The following ZC3H14 variants were observed in gnomAD, a reference collection of about 807,000 sequenced individuals.
ZC3H14 encodes the protein zinc finger CCCH-type containing 14.
A neutral mutation model predicts 92.4 loss-of-function variants in ZC3H14; 31 were observed. The observed-to-expected ratio is 0.34, with a 90% CI of 0.25 to 0.45. The LOEUF (loss-of-function observed/expected upper bound fraction) is 0.45, where lower values mean the gene tolerates loss of function less well. Among genes scored for constraint, ZC3H14 ranks in the 20% least tolerant of loss-of-function variants. ZC3H14 has a pLI of 1.00. For synonymous variants in ZC3H14, 321 were observed against 300.9 expected (o/e 1.07, Z -0.69); for missense variants, 781 against 897.3 (o/e 0.87, Z 1.66).
chr14:88,599,157 C>T (rs1187095412), intron 10 of ZC3H14, among the ~76,000 whole-genome samples: 1 of 152,160 alleles, frequency 6.6e-6, no homozygotes, highest in Non-Finnish European at 1.5e-5. Context: ...ATCTAATACA[C>T]CTCTTTTTTG....
chr14:88,563,398 A>C, intron 1 of ZC3H14: 1 of 1,432,718 alleles, frequency 7.0e-7, no homozygotes, highest in Non-Finnish European at 9.1e-7. Flanking sequence ...GGACAGGCGC[A>C]GGCCCGGCTG....
In ZC3H14 at chr14:88,627,192, G is replaced by T; in HGVS notation, c.*15441G>T. The T allele has an allele frequency of 1.4e-6, 1 of 700,596 alleles. No homozygotes were observed. Among genetic ancestry groups the T allele is most frequent in the Non-Finnish European group, 2.4e-6 (1 of 419,504 alleles). 43.4% of individuals were successfully genotyped at this position (700,596 alleles called of 1,614,324 possible). A position where few individuals can be genotyped will look rare whatever the true frequency, so the allele number is the denominator to read the frequency against. ...CCTGCTCTACTACCTAGCAATACAT[G>T]ATTTACAATTATTTGTGTATTGAGT... On this transcript the variant is annotated 3_prime_UTR_variant, in exon 17 of 17. Coordinates refer to ENST00000251038, the MANE Select transcript of ZC3H14 (RefSeq NM_024824.5).
At chr14:88,565,589 T>C (rs562037648) in intron 2 of ZC3H14, among the ~76,000 whole-genome samples, 1 of 152,352 alleles carries the variant, frequency 6.6e-6, no homozygotes, top group East Asian at 1.9e-4. Context: ...TAAAGATTTA[T>C]TTAAACTCTG....
In ZC3H14 at chr14:88,616,552, C is replaced by G. The variant is rs892738620; in HGVS notation, c.*4801C>G. 28 of 662,654 alleles carry G rather than the reference C, an allele frequency of 4.2e-5. No homozygotes were observed. The highest frequency in any genetic ancestry group is 6.0e-5 in the Non-Finnish European group (24 of 400,582). The allele number at this position is 662,654 out of a possible 1,614,324, so 41.0% of individuals were successfully genotyped here. ...GGATGGTTCCAAAGATGGTATTACT[C>G]GAGGGAGAGGATTTGTTTCTAATAG... is the stretch of plus-strand genomic sequence containing the variant. On this transcript the variant is annotated 3_prime_UTR_variant, in exon 17 of 17. Transcript: ENST00000251038.
Position 88,625,919 on chromosome 14 carries a change from A to G in ZC3H14, c.*14168A>G, listed in dbSNP as rs1302577943. The G allele has an allele frequency of 6.6e-6, 1 of 152,242 alleles. No individual in the cohort carries two copies. The highest frequency in any genetic ancestry group is 6.5e-5 in the Admixed American group (1 of 15,288). The allele number at this position is 152,242 out of a possible 1,614,324, so 9.4% of individuals were successfully genotyped here. A position where few individuals can be genotyped will look rare whatever the true frequency, so the allele number is the denominator to read the frequency against. On this transcript the variant is annotated 3_prime_UTR_variant, in exon 17 of 17. Transcript: ENST00000251038. ...CCAAAGGATTTATACAGCCTAGCCA[A>G]TGCAGGATATTAAAGGAAAGAGATG... is the stretch of plus-strand genomic sequence containing the variant.
chr14:88,617,021 G>C lies in ZC3H14; in HGVS notation c.*5270G>C, dbSNP rs746620613. 2.7e-5 allele frequency: 18 copies of C among 659,914 alleles called. No individual in the cohort carries two copies. Among genetic ancestry groups the C allele is most frequent in the Non-Finnish European group, 3.9e-5 (16 of 415,388 alleles). The allele number at this position is 659,914 out of a possible 1,614,324, so 40.9% of individuals were successfully genotyped here. A position where few individuals can be genotyped will look rare whatever the true frequency, so the allele number is the denominator to read the frequency against. On this transcript the variant is annotated 3_prime_UTR_variant, in exon 17 of 17. Transcript: ENST00000251038. ...GAAGTAAATTATGGTAAGTTGTTTG[G>C]AGACCTGAATTTCATCAGGATATCA...
At position 88,616,811 on chromosome 14, in the gene ZC3H14, C is replaced by A; in HGVS notation, c.*5060C>A. The A allele has an allele frequency of 1.2e-6, 2 of 1,613,912 alleles. No homozygotes were observed. Among genetic ancestry groups the A allele is most frequent in the Non-Finnish European group, 1.7e-6 (2 of 1,179,842 alleles). ...AAGACTGATTCCTGAATGAGATACA[C>A]AGGCACAGTTGACATCAGCTTTCTC... On this transcript the variant is annotated 3_prime_UTR_variant, in exon 17 of 17. Coordinates refer to ENST00000251038, the MANE Select transcript of ZC3H14 (RefSeq NM_024824.5).
In ZC3H14 at chr14:88,616,846, G is replaced by A; in HGVS notation, c.*5095G>A. On this transcript the variant is annotated 3_prime_UTR_variant, in exon 17 of 17. Transcript: ENST00000251038. ...TGACATCAGCTTTCTCAGCATGTCT[G>A]GACCAGATTCCCAAAACCTCATCTC... 6.2e-7 allele frequency: 1 copy of A among 1,613,832 alleles called. No homozygotes were observed. The highest frequency in any genetic ancestry group is 8.5e-7 in the Non-Finnish European group (1 of 1,179,832).
chr14:88,581,401 A>C (rs1243237469), intron 9 of ZC3H14, among the ~76,000 whole-genome samples: 3 of 152,138 alleles, frequency 2.0e-5, no homozygotes, highest in African/African-American at 7.2e-5. Flanking sequence ...TCTACTAAAA[A>C]TACAAAAAAA....
intron 14 of ZC3H14, 86 bp from the exon 15 acceptor site, chr14:88,609,626 C>A (rs1595118860): frequency 6.6e-7 from 1 of 1,524,030 alleles, no homozygotes; most frequent in Non-Finnish European, 9.1e-7. Context: ...AAATGGTTTT[C>A]ACTTTCAAAA....
Position 88,622,751 on chromosome 14 carries a change from A to T in ZC3H14, c.*11000A>T. On this transcript the variant is annotated 3_prime_UTR_variant, in exon 17 of 17. Coordinates refer to ENST00000251038, the MANE Select transcript of ZC3H14 (RefSeq NM_024824.5). The stretch of plus-strand genomic sequence containing the variant: ...AATAACCAAGCCAGAGTAAGTGTTC[A>T]TTATTGGCTACTATAATTTTTATTA... 7 of 1,457,490 alleles carry T rather than the reference A, an allele frequency of 4.8e-6. No homozygotes were observed. The highest frequency in any genetic ancestry group is 5.6e-6 in the Non-Finnish European group (6 of 1,075,424). 90.3% of individuals were successfully genotyped at this position (1,457,490 alleles called of 1,614,324 possible). A position where few individuals can be genotyped will look rare whatever the true frequency, so the allele number is the denominator to read the frequency against.
rs773451401 is a variant in ZC3H14 at position 88,620,931 on chromosome 14, A to AT, written c.*9183dup. ...ATTCACTTTGTTTAACATCTTCTGCATTTAAAAAAAAAAAAAAAAAGAGTC... is the reference window on the plus strand; with the variant it reads ...ATTCACTTTGTTTAACATCTTCTGCATTTTAAAAAAAAAAAAAAAAAGAGTC... On this transcript the variant is annotated 3_prime_UTR_variant, in exon 17 of 17. Coordinates refer to ENST00000251038, the MANE Select transcript of ZC3H14 (RefSeq NM_024824.5). This position sits in a 1 kb window ranked among gnomAD's most constrained non-coding sequence, Gnocchi z 4.3. The AT allele has an allele frequency of 4.4e-5, 62 of 1,422,592 alleles. 1 individual carries two copies. The highest frequency in any genetic ancestry group is 3.1e-4 in the East Asian group (12 of 39,130). The allele number at this position is 1,422,592 out of a possible 1,614,324, so 88.1% of individuals were successfully genotyped here.
chr14:88,626,771 C>G lies in ZC3H14; in HGVS notation c.*15020C>G. 2.7e-6 allele frequency: 4 copies of G among 1,484,780 alleles called. No individual in the cohort carries two copies. The highest frequency in any genetic ancestry group is 3.7e-6 in the Non-Finnish European group (4 of 1,079,734). The allele number at this position is 1,484,780 out of a possible 1,614,324, so 92.0% of individuals were successfully genotyped here. A position where few individuals can be genotyped will look rare whatever the true frequency, so the allele number is the denominator to read the frequency against. ...TATCATCTCAACAACATTCATGTGG[C>G]TGATGATCTAAGGCAAGAGAATGTA... On this transcript the variant is annotated 3_prime_UTR_variant, in exon 17 of 17. Transcript: ENST00000251038.
At chr14:88,600,842 A>G (rs531078457) in intron 10 of ZC3H14, among the ~76,000 whole-genome samples, 2 of 152,208 alleles carry the variant, frequency 1.3e-5, no homozygotes, top group African/African-American at 2.4e-5. Flanking sequence ...CTTGGTATGT[A>G]CTGCTGAGCC....
At chr14:88,571,986 TA>T in intron 4 of ZC3H14, 43 bp from the exon 5 acceptor site, 1 of 1,404,018 alleles carries the variant, frequency 7.1e-7, no homozygotes. Flanking sequence ...TAAATAAAAA[TA>T]AGAAATAAAA....
chr14:88,594,929 T>A, intron 9 of ZC3H14: 1 of 1,614,028 alleles, frequency 6.2e-7, no homozygotes, highest in Non-Finnish European at 8.5e-7. Flanking sequence ...GCAAATCTTT[T>A]TGATCTAAAT....
In ZC3H14 at chr14:88,612,359, C is replaced by G. The variant is rs1413948288; in HGVS notation, c.*608C>G. On this transcript the variant is annotated 3_prime_UTR_variant, in exon 17 of 17. Coordinates refer to ENST00000251038, the MANE Select transcript of ZC3H14 (RefSeq NM_024824.5). ...TTCCCAGTTTTCCTGCCTTCTGTGA[C>G]AGGATGAATGAGGTGGGTATGGACA... 1 of 155,726 alleles carries G rather than the reference C, an allele frequency of 6.4e-6. No individual in the cohort carries two copies. The highest frequency in any genetic ancestry group is 1.4e-5 in the Non-Finnish European group (1 of 70,342). 9.6% of individuals were successfully genotyped at this position (155,726 alleles called of 1,614,324 possible). A position where few individuals can be genotyped will look rare whatever the true frequency, so the allele number is the denominator to read the frequency against.
Position 88,615,705 on chromosome 14 carries a change from C to T in ZC3H14, c.*3954C>T. Reference sequence around the variant, plus strand: ...ACTATTTTGATGATTCTGGGCATTTCTCCCTGTTACAGTCTTGGGTTAGCA... The same window carrying T: ...ACTATTTTGATGATTCTGGGCATTTTTCCCTGTTACAGTCTTGGGTTAGCA... On this transcript the variant is annotated 3_prime_UTR_variant, in exon 17 of 17. Coordinates refer to ENST00000251038, the MANE Select transcript of ZC3H14 (RefSeq NM_024824.5). 4 of 931,904 alleles carry T rather than the reference C, an allele frequency of 4.3e-6. No individual in the cohort carries two copies. Among genetic ancestry groups the T allele is most frequent in the Non-Finnish European group, 1.6e-6 (1 of 613,616 alleles). 57.7% of individuals were successfully genotyped at this position (931,904 alleles called of 1,614,324 possible). A position where few individuals can be genotyped will look rare whatever the true frequency, so the allele number is the denominator to read the frequency against.
rs940046455 is a variant in ZC3H14, at chr14:88,627,114, T to C, written c.*15363T>C. 6.7e-7 allele frequency: 1 copy of C among 1,501,964 alleles called. No homozygotes were observed. Among genetic ancestry groups the C allele is most frequent in the Non-Finnish European group, 9.2e-7 (1 of 1,086,550 alleles). 93.0% of individuals were successfully genotyped at this position (1,501,964 alleles called of 1,614,324 possible). On this transcript the variant is annotated 3_prime_UTR_variant, in exon 17 of 17. Transcript: ENST00000251038. ...AAGCTAATCAACAGCATCAAACAAA[T>C]ATGTAAAATACATAGTTCAAAAAAC...
Sources: gnomAD v4.1 joint callset for allele counts (sites outside exome capture counted in the v4.1 genomes callset) on GRCh38, gnomAD v4.1.1 for gene constraint, Gnocchi (gnomAD v3.1) non-coding constraint, MANE v1.5 for transcripts, NCBI Gene and HGNC (gene_info 2026-07-23, HGNC 2026-07-21) for gene names.